INO80E: variants seen among roughly 807,000 people sequenced by gnomAD.
The protein encoded by INO80E is coiled-coil domain containing 95.
A neutral mutation model predicts 27.3 loss-of-function variants in INO80E; 20 were observed. The ratio of observed to expected loss-of-function variants is 0.73; its 90% CI spans 0.51 to 1.06. INO80E has a LOEUF of 1.06. Among genes scored for constraint, INO80E ranks in the 50% least tolerant of loss-of-function variants. The pLI is 0.00. For missense variants in INO80E, 357 were observed against 322.8 expected, an observed-to-expected ratio of 1.11 and a Z score of -0.81; for synonymous variants, 167 against 145.9, an observed-to-expected ratio of 1.14 and a Z score of -1.04.
In INO80E at chr16:30,000,721, TC is replaced by T. The variant is rs753958619; in HGVS notation, c.206-31del. On this transcript the variant is annotated intron_variant, in intron 3 of 6. Transcript: ENST00000563197. ...TATACCTTTCTGGGATGGACTGGGA[TC>T]CCCCCATCCCCACTGACCAGCTGTC... The T allele has an allele frequency of 8.2e-5, 127 of 1,557,374 alleles. 1 individual carries two copies. Among genetic ancestry groups the T allele is most frequent in the Non-Finnish European group, 1.1e-4 (119 of 1,129,062 alleles).
intron 2 of INO80E, 84 bp from the exon 3 acceptor site, chr16:29,996,724 A>G: frequency 6.3e-7 from 1 of 1,592,760 alleles, no homozygotes; most frequent in Non-Finnish European, 8.6e-7. Flanking sequence ...CAAGTATCCG[A>G]TGGGCCAGCT....
At chr16:30,000,862 C>A in intron 4 of INO80E, 26 bp downstream of exon 4, 1 of 1,612,054 alleles carries the variant, frequency 6.2e-7, no homozygotes, top group South Asian at 1.1e-5. Flanking sequence ...ATTCCTCTCG[C>A]TGGGGAGGGT....
chr16:30,005,323 C>CCCCCCCA lies in INO80E; in HGVS notation c.617_618insCCCCCAC (p.Lys207ProfsTer3). 1 of 1,329,954 alleles carries CCCCCCCA rather than the reference C, an allele frequency of 7.5e-7. No individual in the cohort carries two copies. The highest frequency in any genetic ancestry group is 9.9e-7 in the Non-Finnish European group (1 of 1,011,914). 82.4% of individuals were successfully genotyped at this position (1,329,954 alleles called of 1,614,324 possible). Reference sequence around the variant, plus strand: ...GACAACCCTGACCCCCCTCCCACCCCCTAAGATGCCCCCCCCCACGATCCT... The same window carrying CCCCCCCA: ...GACAACCCTGACCCCCCTCCCACCCCCCCCCCACTAAGATGCCCCCCCCCACGATCCT... On this transcript the variant is annotated frameshift_variant, in exon 7 of 7. Coordinates refer to ENST00000563197, the MANE Select transcript of INO80E (RefSeq NM_173618.3). LOFTEE classifies it high-confidence loss of function.
At chr16:30,001,228 G>T (rs1251621099) in intron 5 of INO80E, 186 bp from the exon 6 acceptor site, 2 of 1,491,332 alleles carry the variant, frequency 1.3e-6, no homozygotes, top group Non-Finnish European at 1.8e-6. Context: ...GGCCAGGCCT[G>T]ACTGAGGAGA....
rs1267261292 is a variant in INO80E, at chr16:29,996,848, G to A, written c.193G>A (p.Glu65Lys). 6.2e-7 allele frequency: 1 copy of A among 1,614,194 alleles called. No individual in the cohort carries two copies. Among genetic ancestry groups the A allele is most frequent in the Non-Finnish European group, 8.5e-7 (1 of 1,180,012 alleles). Residue 65 changes from glutamate (E) to lysine (K), a missense_variant, in exon 3 of 7, where the codon GAA becomes AAA. By Grantham distance (56) the Glu-to-Lys change is moderately conservative. Coordinates refer to ENST00000563197, the MANE Select transcript of INO80E (RefSeq NM_173618.3). ...ACTTCTGCAGTACGAGAACGTGGATGAAGACTCTTCGGGTGAGCAAGGTCT... is the reference window on the plus strand; with the variant it reads ...ACTTCTGCAGTACGAGAACGTGGATAAAGACTCTTCGGGTGAGCAAGGTCT... ...DRLLQYENVD[E>K]DSSDSDATAS...
intron 6 of INO80E, chr16:30,004,547 G>A (rs568372384): frequency 2.3e-4 from 36 of 153,782 alleles, no homozygotes; most frequent in South Asian, 1.2e-3. Context: ...GCACGGTGAC[G>A]CGCTCAGGTC....
intron 3 of INO80E, among the ~76,000 whole-genome samples, chr16:29,999,752 G>A (rs1291662251): frequency 6.6e-6 from 1 of 152,214 alleles, no homozygotes; most frequent in Non-Finnish European, 1.5e-5. Flanking sequence ...ATTGAAGCCA[G>A]ATTAAGCAGC....
Position 29,996,880 on chromosome 16 carries a change from ATT to A in INO80E, c.205+21_205+22del. On this transcript the variant is annotated intron_variant, in intron 3 of 6. Coordinates refer to ENST00000563197, the MANE Select transcript of INO80E (RefSeq NM_173618.3). ...CTTCGGGTGAGCAAGGTCTTCAAAA[ATT>A]GGTGGAGAGCATGGTTCCTGGTACT... 6.2e-7 allele frequency: 1 copy of A among 1,612,954 alleles called. No homozygotes were observed. The highest frequency in any genetic ancestry group is 1.1e-5 in the South Asian group (1 of 91,066).
At position 30,000,994 on chromosome 16, in the gene INO80E, G is replaced by C. The variant is rs1292214386; in HGVS notation, c.350G>C (p.Gly117Ala). 1 of 1,557,594 alleles carries C rather than the reference G, an allele frequency of 6.4e-7. No homozygotes were observed. The highest frequency in any genetic ancestry group is 1.2e-5 in the South Asian group (1 of 83,252). Residue 117 changes from glycine to alanine, a missense_variant, in exon 5 of 7, where the codon GGG becomes GCG. Transcript: ENST00000563197. Reference sequence around the variant, plus strand: ...AGCCTCTCCCTGCCTCCTTCAACAGGGTTTCCCCTTCAGGCCTCCGGGGTC... The same window carrying C: ...AGCCTCTCCCTGCCTCCTTCAACAGCGTTTCCCCTTCAGGCCTCCGGGGTC... Reference protein sequence around the residue: ...PSSLSLPPSTGFPLQASGVPS... With the variant: ...PSSLSLPPSTAFPLQASGVPS...
chr16:30,005,622 G>A lies in INO80E; in HGVS notation c.*180G>A. 1.6e-6 allele frequency: 1 copy of A among 642,482 alleles called. No individual in the cohort carries two copies. The highest frequency in any genetic ancestry group is 2.7e-6 in the Non-Finnish European group (1 of 374,340). The allele number at this position is 642,482 out of a possible 1,614,324, so 39.8% of individuals were successfully genotyped here. On this transcript the variant is annotated 3_prime_UTR_variant, in exon 7 of 7. Coordinates refer to ENST00000563197, the MANE Select transcript of INO80E (RefSeq NM_173618.3). ...CCCCCAGGAGGGTGGCAGGGGCCCT[G>A]CCTTCAAACCCCGGCCCCCTCCAGG...
At position 30,001,473 on chromosome 16, in the gene INO80E, G is replaced by C. The variant is rs1411444816; in HGVS notation, c.456G>C (p.Glu152Asp). 1 of 1,613,126 alleles carries C rather than the reference G, an allele frequency of 6.2e-7. No individual in the cohort carries two copies. Among genetic ancestry groups the C allele is most frequent in the Non-Finnish European group, 8.5e-7 (1 of 1,179,696 alleles). The change falls in exon 6 of 7, where the codon GAG (glutamate) becomes GAC (aspartate). Residue 152 changes from glutamate to aspartate, a missense_variant. Coordinates refer to ENST00000563197, the MANE Select transcript of INO80E (RefSeq NM_173618.3). ...ACTACCTGGCCCTGCAGCTGCCCGA[G>C]CCCAGTCCCCTGAGGCCCAAGCGGG... Reference protein sequence around the residue: ...PSDYLALQLPEPSPLRPKREK... With the variant: ...PSDYLALQLPDPSPLRPKREK...
rs1226133686 is a variant in INO80E at position 30,000,856 on chromosome 16, C to T, written c.284+20C>T. The T allele has an allele frequency of 1.2e-6, 2 of 1,612,100 alleles. No homozygotes were observed. Among genetic ancestry groups the T allele is most frequent in the Non-Finnish European group, 1.7e-6 (2 of 1,178,096 alleles). On this transcript the variant is annotated intron_variant, in intron 4 of 6. Transcript: ENST00000563197. ...TAAGAGGTGAGAAGAAGATGCATTC[C>T]TCTCGCTGGGGAGGGTCAGGTGGGG...
intron 3 of INO80E, among the ~76,000 whole-genome samples, chr16:30,000,225 G>T (rs1443813421): frequency 6.6e-6 from 1 of 152,152 alleles, no homozygotes; most frequent in Non-Finnish European, 1.5e-5. Flanking sequence ...TGCGTGGCAG[G>T]TGTGTTACGG....
At chr16:30,001,910 GTC>G (rs1323891952) in intron 6 of INO80E, 1 of 204,440 alleles carries the variant, frequency 4.9e-6, no homozygotes, top group Non-Finnish European at 9.9e-6. Context: ...CCTTGAGCAG[GTC>G]TCTGCTACCC....
intron 6 of INO80E, among the ~76,000 whole-genome samples, chr16:30,004,873 CGGCA>C: frequency 1.3e-5 from 2 of 152,240 alleles, no homozygotes; most frequent in South Asian, 2.1e-4. Context: ...CCTCCGGGGC[CGGCA>C]GGCAGGCAAG....
chr16:30,001,326 T>G, intron 5 of INO80E, 88 bp from the exon 6 acceptor site: 3 of 1,508,086 alleles, frequency 2.0e-6, no homozygotes, highest in Non-Finnish European at 2.7e-6. Context: ...CTCTTTTGTT[T>G]TTCCATCCTC....
At chr16:29,997,004 T>C in intron 3 of INO80E, 144 bp downstream of exon 3, 1 of 759,138 alleles carries the variant, frequency 1.3e-6, no homozygotes, top group Non-Finnish European at 2.3e-6. Context: ...CCTCCACCGT[T>C]CTTTCATTCA....
In INO80E at chr16:30,003,278, T is replaced by C. The variant is rs2070414927; in HGVS notation, c.513+1748T>C. ...CAGGGTGAGTGGATTTGGATATTCC[T>C]GGCTGAAGCCATAGTGGGAAGGGAG... On this transcript the variant is annotated intron_variant, in intron 6 of 6. Transcript: ENST00000563197. The surrounding 1 kb of genome is among the most constrained non-coding windows in gnomAD (Gnocchi z 4.4). The C allele has an allele frequency of 6.6e-6, 1 of 152,248 alleles. No individual in the cohort carries two copies. The highest frequency in any genetic ancestry group is 2.4e-5 in the African/African-American group (1 of 41,398). The allele number at this position is 152,248 out of a possible 1,614,324, so 9.4% of individuals were successfully genotyped here.
chr16:30,000,922 T>C lies in INO80E; in HGVS notation c.285-7T>C. The stretch of plus-strand genomic sequence containing the variant: ...CCACATCTGACCTCGCCCTGTCCTT[T>C]CTCCAGGAAGAGAAGCCCTCCGCTG... On this transcript the variant is annotated splice_region_variant and splice_polypyrimidine_tract_variant and intron_variant, in intron 4 of 6. Coordinates refer to ENST00000563197, the MANE Select transcript of INO80E (RefSeq NM_173618.3). 3.7e-6 allele frequency: 6 copies of C among 1,604,426 alleles called. No homozygotes were observed. Among genetic ancestry groups the C allele is most frequent in the Non-Finnish European group, 5.1e-6 (6 of 1,172,960 alleles).
Sources: allele counts gnomAD v4.1 joint callset (sites outside exome capture counted in the v4.1 genomes callset), GRCh38; gene constraint gnomAD v4.1.1; non-coding constraint Gnocchi (gnomAD v3.1); transcripts MANE v1.5; gene names NCBI Gene and HGNC (gene_info 2026-07-23, HGNC 2026-07-21).